The following RFX3 variants were observed in gnomAD, a reference collection of about 807,000 sequenced individuals.
RFX3 encodes regulatory factor X3.
A neutral mutation model predicts 98.6 loss-of-function variants in RFX3; 14 were observed. The ratio of observed to expected loss-of-function variants is 0.14; its 90% CI spans 0.09 to 0.22. The LOEUF is 0.22. Ranked by LOEUF, RFX3 falls within the 10% of genes least tolerant of loss-of-function variation. The pLI is 1.00. For missense variants in RFX3, 639 were observed against 926.9 expected (o/e 0.69, Z 4.03); for synonymous variants, 383 against 328.4 (o/e 1.17, Z -1.80).
intron 4 of RFX3, among the ~76,000 whole-genome samples, chr9:3,329,217 G>A (rs1445223274): frequency 6.6e-6 from 1 of 151,806 alleles, no homozygotes; most frequent in African/African-American, 2.4e-5. Flanking sequence ...GACCAGCCTG[G>A]CCAACATGGT....
intron 15 of RFX3, among the ~76,000 whole-genome samples, chr9:3,230,363 G>C (rs1818303643): frequency 1.3e-5 from 2 of 152,036 alleles, no homozygotes; most frequent in Non-Finnish European, 2.9e-5. Context: ...CTATTTTTTA[G>C]AGTTATTAAA....
intron 4 of RFX3, among the ~76,000 whole-genome samples, chr9:3,314,877 G>C (rs1830402749): frequency 6.6e-6 from 1 of 152,096 alleles, no homozygotes; most frequent in Admixed American, 6.5e-5. Context: ...CATAAAGCAA[G>C]TCCTTAGAGA....
At chr9:3,424,383 A>G (rs77367338) in intron 1 of RFX3, among the ~76,000 whole-genome samples, 1 of 78,130 alleles carries the variant, frequency 1.3e-5, no homozygotes, top group Admixed American at 2.0e-4. Context: ...TTTTTTTGAG[A>G]CGGAGTCTCG....
intron 7 of RFX3, among the ~76,000 whole-genome samples, chr9:3,280,930 T>C (rs1353906025): frequency 6.6e-6 from 1 of 151,778 alleles, no homozygotes; most frequent in Admixed American, 6.6e-5. Flanking sequence ...AATAAGTCAT[T>C]AATTTTTAAC....
intron 1 of RFX3, among the ~76,000 whole-genome samples, chr9:3,480,907 ATCAACCTAGCTAGGCTCCAT>A (rs1414979627): frequency 1.3e-5 from 2 of 152,164 alleles, no homozygotes; most frequent in East Asian, 1.9e-4. Context: ...GGTAAGTATA[ATCAACCTAGCTAGGCTCCAT>A]TCTCCTCCCT....
rs188500427 is a variant in RFX3 at position 3,499,741 on chromosome 9, T to C, written c.-9+26006A>G. Among the ~76,000 whole-genome samples, 502 of 152,246 alleles carry C rather than the reference T, an allele frequency of 3.3e-3. 3 individuals are homozygous for C. Among genetic ancestry groups the C allele is most frequent in the African/African-American group, 0.011 (470 of 41,550 alleles). On this transcript the variant is annotated intron_variant, in intron 1 of 16. Transcript: ENST00000617270. ...TGGAGACCAAGATAAAGGTGTTCTA[T>C]CATAAAATACCAAAGACCACACACA...
chr9:3,268,237 A>G (rs1272443240), intron 11 of RFX3, among the ~76,000 whole-genome samples: 1 of 151,760 alleles, frequency 6.6e-6, no homozygotes, highest in African/African-American at 2.4e-5. Context: ...TTTTTAGCTA[A>G]AAAAAGAAAT....
At chr9:3,524,868 CACACACACA>C (rs1434505144) in intron 1 of RFX3, among the ~76,000 whole-genome samples, 4,231 of 131,840 alleles carry the variant, frequency 0.032, 179 homozygotes, top group African/African-American at 0.12. Flanking sequence ...CACACACACA[CACACACACA>C]CCAAAGAAGA....
chr9:3,275,035 G>A (rs1461165878), intron 9 of RFX3, among the ~76,000 whole-genome samples: 2 of 151,836 alleles, frequency 1.3e-5, no homozygotes, highest in East Asian at 1.9e-4. Flanking sequence ...TTTGGTATGT[G>A]TATAGAGTTG....
chr9:3,356,612 C>T (rs533874342), intron 2 of RFX3, among the ~76,000 whole-genome samples: 151 of 151,968 alleles, frequency 9.9e-4, no homozygotes, highest in African/African-American at 3.5e-3. Flanking sequence ...AACAGAACCT[C>T]TCCCAACTGT....
chr9:3,521,924 T>A (rs1818754279), intron 1 of RFX3, among the ~76,000 whole-genome samples: 1 of 152,138 alleles, frequency 6.6e-6, no homozygotes, highest in African/African-American at 2.4e-5. Context: ...TACCATTATT[T>A]ATAAGAATTG....
At chr9:3,503,263 G>C (rs1382867477) in intron 1 of RFX3, among the ~76,000 whole-genome samples, 1 of 152,068 alleles carries the variant, frequency 6.6e-6, no homozygotes, top group African/African-American at 2.4e-5. Flanking sequence ...TTTCAGGATA[G>C]AAACCTAGAT....
At chr9:3,517,121 G>C (rs554738841) in intron 1 of RFX3, among the ~76,000 whole-genome samples, 2 of 152,128 alleles carry the variant, frequency 1.3e-5, no homozygotes, top group East Asian at 3.9e-4. Context: ...CCAATTCCTG[G>C]CTCCATGTTA....
intron 1 of RFX3, among the ~76,000 whole-genome samples, chr9:3,423,211 C>T (rs183342116): frequency 7.9e-5 from 12 of 152,236 alleles, no homozygotes; most frequent in Non-Finnish European, 1.5e-4. Flanking sequence ...ACGGTACAAC[C>T]ACTTCAGGAA....
At chr9:3,488,756 G>A (rs1050513553) in intron 1 of RFX3, 10 of 983,864 alleles carry the variant, frequency 1.0e-5, no homozygotes, top group Middle Eastern at 5.2e-4. Context: ...AATTTTTGAT[G>A]TACTTTACAG....
chr9:3,489,486 G>A (rs1258225024), intron 1 of RFX3: 16 of 906,158 alleles, frequency 1.8e-5, no homozygotes, highest in Admixed American at 6.2e-5. Context: ...GAGTAGTAGA[G>A]TAGGGGAATT....
intron 4 of RFX3, among the ~76,000 whole-genome samples, chr9:3,321,253 T>G (rs993628477): frequency 6.6e-6 from 1 of 152,152 alleles, no homozygotes; most frequent in South Asian, 2.1e-4. Context: ...AGTTTTTATG[T>G]AGCATTTCAT....
intron 1 of RFX3, among the ~76,000 whole-genome samples, chr9:3,500,855 A>G (rs1815925281): frequency 1.3e-5 from 2 of 152,222 alleles, no homozygotes; most frequent in Non-Finnish European, 2.9e-5. Context: ...TTATTAGTTG[A>G]GTATATTCAA....
At chr9:3,465,206 T>C (rs1302783594) in intron 1 of RFX3, among the ~76,000 whole-genome samples, 1 of 152,212 alleles carries the variant, frequency 6.6e-6, no homozygotes, top group East Asian at 1.9e-4. Context: ...GACAGCATCT[T>C]AGTATCTCAC....
Sources: allele counts gnomAD v4.1 joint callset (sites outside exome capture counted in the v4.1 genomes callset), GRCh38; gene constraint gnomAD v4.1.1; transcripts MANE v1.5; gene names NCBI Gene and HGNC (gene_info 2026-07-23, HGNC 2026-07-21).